Variants in NLRC3 observed in about 807,000 individuals in gnomAD.
NLRC3 encodes NLR family CARD domain containing 3.
In NLRC3, 87 loss-of-function variants were observed where a neutral mutation model predicts 91.6. The ratio of observed to expected loss-of-function variants is 0.95; its 90% CI spans 0.80 to 1.14. The LOEUF (loss-of-function observed/expected upper bound fraction) is 1.14. Ranked by LOEUF, NLRC3 falls within the 50% of genes most tolerant of loss-of-function variation. NLRC3 has a pLI of 0.00. For synonymous variants in NLRC3, 694 were observed against 625.3 expected (o/e 1.11, Z -1.64); for missense variants, 1,577 against 1,418.6 (o/e 1.11, Z -1.79).
At chr16:3,566,415 A>G (rs1408834470) in intron 2 of NLRC3, among the ~76,000 whole-genome samples, 1 of 152,064 alleles carries the variant, frequency 6.6e-6, no homozygotes, top group African/African-American at 2.4e-5. Context: ...ATATGGTGAG[A>G]CCCTGTCTCT....
rs758835680 is a variant in NLRC3 at position 3,564,398 on chromosome 16, C to T, written c.539G>A (p.Arg180Gln). 32 of 1,612,606 alleles carry T rather than the reference C, an allele frequency of 2.0e-5. 1 individual carries two copies. In the Middle Eastern group the frequency reaches 8.2e-4, roughly 42 times the overall value. Residue 180 changes from arginine to glutamine, a missense_variant, in exon 5 of 20, where the codon CGG becomes CAG. Coordinates refer to ENST00000359128, the MANE Select transcript of NLRC3 (RefSeq NM_178844.4). This position sits in a 1 kb window ranked among gnomAD's most constrained non-coding sequence, Gnocchi z 5.9. ...CAGCTTCTCGTGGGTGTTGAGATCC[C>T]GGAAGGTCAGAGGCAGCACCAGCGA... ...DFSLVLPLTF[R>Q]DLNTHEKLCA...
intron 12 of NLRC3, 151 bp downstream of exon 12, chr16:3,549,546 T>G: frequency 3.0e-6 from 2 of 675,430 alleles, no homozygotes; most frequent in South Asian, 3.7e-5. Context: ...AGCTATCCCC[T>G]GCACCCCAAG....
chr16:3,544,264 G>A lies in NLRC3; in HGVS notation c.2837C>T (p.Thr946Ile), dbSNP rs745952617. ...CAVARALKVN[T>I]ALTALYLQVA... ...GACTTACTAGAGAGCAGTGAGGGCT[G>A]TGTTGACCTTCAGTGCACGGGCCAC... The change falls in exon 16 of 20, where the codon ACA becomes ATA. Residue 946 changes from threonine (T) to isoleucine (I), a missense_variant. Physicochemically the swap from Thr to Ile is moderately conservative, Grantham distance 89. Transcript: ENST00000359128. The A allele has an allele frequency of 3.1e-6, 5 of 1,610,304 alleles. No individual in the cohort carries two copies. Among genetic ancestry groups the A allele is most frequent in the Non-Finnish European group, 3.4e-6 (4 of 1,176,590 alleles).
At position 3,564,834 on chromosome 16, in the gene NLRC3, C is replaced by T. The variant is rs761634618; in HGVS notation, c.178+25G>A. On this transcript the variant is annotated intron_variant, in intron 4 of 19. Transcript: ENST00000359128. This position sits in a 1 kb window ranked among gnomAD's most constrained non-coding sequence, Gnocchi z 5.9. ...ATCAGCCCAGGTGTTCCCCACCCCG[C>T]GTCTGCCTCCCAAGCCGGTCCTACC... 15 of 1,587,266 alleles carry T rather than the reference C, an allele frequency of 9.5e-6. No individual in the cohort carries two copies. Among genetic ancestry groups the T allele is most frequent in the Middle Eastern group, 3.3e-4 (2 of 5,996 alleles).
chr16:3,565,469 CAAAAAAAAAAA>C (rs57860901), intron 2 of NLRC3, 89 bp from the exon 3 acceptor site: 11 of 44,858 alleles, frequency 2.5e-4, no homozygotes, highest in Admixed American at 7.7e-4. Context: ...TGGGAAAAAG[CAAAAAAAAAAA>C]AAAAAAAAAA....
Position 3,540,796 on chromosome 16 carries a change from CAAAAA to C in NLRC3, c.*1024_*1028del, listed in dbSNP as rs1305653301. ...CCAGCCTGGGTGACAGATTCTGTCT[CAAAAA>C]TAAATAAAGAATGACATCACTGAAT... On this transcript the variant is annotated 3_prime_UTR_variant, in exon 20 of 20. Transcript: ENST00000359128. The C allele has an allele frequency of 6.7e-6, 1 of 148,696 alleles. No homozygotes were observed. Among genetic ancestry groups the C allele is most frequent in the African/African-American group, 2.5e-5 (1 of 40,330 alleles). 9.2% of individuals were successfully genotyped at this position (148,696 alleles called of 1,614,324 possible). A position where few individuals can be genotyped will look rare whatever the true frequency, so the allele number is the denominator to read the frequency against.
chr16:3,565,512 C>A (rs535978070), intron 2 of NLRC3, 132 bp from the exon 3 acceptor site: 84 of 353,882 alleles, frequency 2.4e-4, no homozygotes, highest in Admixed American at 1.6e-3. Context: ...GCAGCAGCCA[C>A]TCTGGGGACG....
At chr16:3,552,776 C>T (rs916943629) in intron 9 of NLRC3, among the ~76,000 whole-genome samples, 1 of 152,028 alleles carries the variant, frequency 6.6e-6, no homozygotes, top group African/African-American at 2.4e-5. Flanking sequence ...TCCGTCTCTA[C>T]TAAAAATAAA....
In NLRC3 at chr16:3,564,410, G is replaced by C. The variant is rs1567147565; in HGVS notation, c.527C>G (p.Pro176Arg). 1 of 1,612,716 alleles carries C rather than the reference G, an allele frequency of 6.2e-7. No homozygotes were observed. Among genetic ancestry groups the C allele is most frequent in the Non-Finnish European group, 8.5e-7 (1 of 1,179,890 alleles). Reference sequence around the variant, plus strand: ...GGTGTTGAGATCCCGGAAGGTCAGAGGCAGCACCAGCGAGAAGTCCTTGCC... The same window carrying C: ...GGTGTTGAGATCCCGGAAGGTCAGACGCAGCACCAGCGAGAAGTCCTTGCC... ...QVGKDFSLVL[P>R]LTFRDLNTHE... The change falls in exon 5 of 20, where the codon CCT becomes CGT. Residue 176 changes from proline to arginine, a missense_variant. Pro to Arg is a moderately radical substitution (Grantham distance 103). Transcript: ENST00000359128. The surrounding 1 kb of genome is among the most constrained non-coding windows in gnomAD (Gnocchi z 5.9).
intron 15 of NLRC3, among the ~76,000 whole-genome samples, chr16:3,547,391 T>G (rs764401110): frequency 2.6e-5 from 4 of 152,032 alleles, no homozygotes; most frequent in Non-Finnish European, 5.9e-5. Context: ...GATGGTAGAT[T>G]AGTGGTTGCC....
intron 6 of NLRC3, 34 bp downstream of exon 6, chr16:3,561,668 T>C (rs1423507450): frequency 6.9e-7 from 1 of 1,443,082 alleles, no homozygotes. Flanking sequence ...CACAAGACCA[T>C]AGGCACCCTG....
chr16:3,576,749 G>A (rs2040314383), intron 1 of NLRC3, among the ~76,000 whole-genome samples: 1 of 152,044 alleles, frequency 6.6e-6, no homozygotes, highest in Non-Finnish European at 1.5e-5. Flanking sequence ...TGCAACCTAC[G>A]CCTCCCGGGT....
intron 1 of NLRC3, among the ~76,000 whole-genome samples, chr16:3,569,036 G>C (rs2039988837): frequency 6.6e-6 from 1 of 152,028 alleles, no homozygotes; most frequent in Admixed American, 6.5e-5. Flanking sequence ...CAGCAAGGCT[G>C]GGCGTGGTGG....
chr16:3,556,500 T>C (rs1379395778), intron 8 of NLRC3, among the ~76,000 whole-genome samples: 1 of 151,974 alleles, frequency 6.6e-6, no homozygotes, highest in Non-Finnish European at 1.5e-5. Context: ...ATCCCATGCC[T>C]GCCATCTTTG....
intron 16 of NLRC3, 54 bp downstream of exon 16, chr16:3,544,192 G>T: frequency 3.8e-5 from 38 of 1,005,892 alleles, no homozygotes; most frequent in Non-Finnish European, 5.6e-5. Context: ...CCTCTAACGT[G>T]AAAGGATGGC....
In NLRC3 at chr16:3,539,498, T is replaced by C. The variant is rs2038317399; in HGVS notation, c.*2327A>G. 6.6e-6 allele frequency: 1 copy of C among 152,204 alleles called. No homozygotes were observed. The highest frequency in any genetic ancestry group is 1.5e-5 in the Non-Finnish European group (1 of 68,060). The allele number at this position is 152,204 out of a possible 1,614,324, so 9.4% of individuals were successfully genotyped here. On this transcript the variant is annotated 3_prime_UTR_variant, in exon 20 of 20. Coordinates refer to ENST00000359128, the MANE Select transcript of NLRC3 (RefSeq NM_178844.4). ...GGGAGAGAGGGAGGACTCTTTGTTT[T>C]CTCCACCAGTTTGGCTCCTGAGGTT...
chr16:3,544,180 G>T, intron 16 of NLRC3, 66 bp downstream of exon 16: 268 of 674,838 alleles, frequency 4.0e-4, no homozygotes, highest in Non-Finnish European at 6.1e-4. Flanking sequence ...AAAAAAAAAA[G>T]ACCTCTAACG....
intron 1 of NLRC3, among the ~76,000 whole-genome samples, chr16:3,575,108 G>C (rs538699258): frequency 1.3e-5 from 2 of 152,350 alleles, no homozygotes; most frequent in Admixed American, 1.3e-4. Context: ...CAAGTGTCCT[G>C]TATCTGATCT....
intron 8 of NLRC3, among the ~76,000 whole-genome samples, chr16:3,554,810 C>T (rs1274011026): frequency 6.6e-6 from 1 of 152,180 alleles, no homozygotes; most frequent in Non-Finnish European, 1.5e-5. Context: ...AAGTCGTATT[C>T]ACCAATGTTC....
Sources: gnomAD v4.1 joint callset for allele counts (sites outside exome capture counted in the v4.1 genomes callset) on GRCh38, gnomAD v4.1.1 for gene constraint, Gnocchi (gnomAD v3.1) non-coding constraint, MANE v1.5 for transcripts, NCBI Gene and HGNC (gene_info 2026-07-23, HGNC 2026-07-21) for gene names.